FKBP10: variants seen among roughly 807,000 people sequenced by gnomAD.
The protein encoded by FKBP10 is FKBP prolyl isomerase 10.
A neutral mutation model predicts 53.7 loss-of-function variants in FKBP10; 34 were observed. The ratio of observed to expected loss-of-function variants is 0.63; its 90% CI spans 0.48 to 0.84. The LOEUF (loss-of-function observed/expected upper bound fraction) is 0.84, where lower values mean the gene tolerates loss of function less well. Among genes scored for constraint, FKBP10 ranks in the 40% least tolerant of loss-of-function variants. The probability of loss-of-function intolerance (pLI) is 0.00; values close to 1 mark genes in which losing one functional copy is unlikely to be tolerated. For missense variants in FKBP10, 748 were observed against 797.8 expected, an observed-to-expected ratio of 0.94 and a Z score of 0.75; for synonymous variants, 324 against 335.7, an observed-to-expected ratio of 0.97 and a Z score of 0.38.
chr17:41,821,573 C>T lies in FKBP10; in HGVS notation c.1400-81C>T, dbSNP rs2047891403. 10 of 1,556,102 alleles carry T rather than the reference C, an allele frequency of 6.4e-6. No homozygotes were observed. The South Asian group carries it at 1.0e-4, about 16-fold the overall frequency. On this transcript the variant is annotated intron_variant, in intron 8 of 9. Transcript: ENST00000321562. ...CCCAGCCCCAGGAGGGGAAACTGGC[C>T]TGTGGGCTGGGAAACAGTGAAGCCA...
chr17:41,821,429 C>T (rs1050843958), intron 8 of FKBP10, among the ~76,000 whole-genome samples: 22 of 152,130 alleles, frequency 1.4e-4, no homozygotes, highest in African/African-American at 5.3e-4. Flanking sequence ...GGCCCGAGAC[C>T]GTAATCTGAC....
rs1227407669 is a variant in FKBP10, at chr17:41,818,412, C to T, written c.612C>T (p.Tyr204=). ...GTAAGGGCGGCACTTATGACACCTA[C>T]GTCGGCTCTGGTTGGCTGATCAAGG... is the stretch of plus-strand genomic sequence containing the variant. The part of the protein sequence containing the change: ...SYSKGGTYDT[Y]VGSGWLIKGM... The change falls in exon 4 of 10, where the codon TAC becomes TAT. Residue 204 remains tyrosine (Y), a synonymous_variant. Coordinates refer to ENST00000321562, the MANE Select transcript of FKBP10 (RefSeq NM_021939.4). The T allele has an allele frequency of 5.0e-6, 8 of 1,614,042 alleles. No homozygotes were observed. The highest frequency in any genetic ancestry group is 3.3e-5 in the Admixed American group (2 of 60,000).
intron 1 of FKBP10, among the ~76,000 whole-genome samples, chr17:41,815,095 T>C (rs2047798006): frequency 6.6e-6 from 1 of 151,976 alleles, no homozygotes; most frequent in Non-Finnish European, 1.5e-5. Flanking sequence ...TTTTTTTGTA[T>C]TTTTAGTAGA....
In FKBP10 at chr17:41,822,244, CAAGT is replaced by C. The variant is rs1555617307; in HGVS notation, c.1586_1589del (p.Gln529ArgfsTer18). ...CCAGTTCTCCACCTTCATCAAGGCTCAAGTGAGTGAGGGCAAAGGACGCCTCATG... is the reference window on the plus strand; with the variant it reads ...CCAGTTCTCCACCTTCATCAAGGCTCGAGTGAGGGCAAAGGACGCCTCATG... On this transcript the variant is annotated frameshift_variant, in exon 10 of 10. Transcript: ENST00000321562. LOFTEE classifies it high-confidence loss of function. The C allele has an allele frequency of 5.6e-6, 9 of 1,613,532 alleles. No individual in the cohort carries two copies. The highest frequency in any genetic ancestry group is 2.2e-5 in the East Asian group (1 of 44,882).
chr17:41,820,388 A>T lies in FKBP10; in HGVS notation c.1183A>T (p.Thr395Ser). The change falls in exon 7 of 10, where the codon ACC becomes TCC. Residue 395 changes from threonine (T) to serine (S), a missense_variant. By Grantham distance (58) the Thr-to-Ser change is moderately conservative (BLOSUM62 1). Coordinates refer to ENST00000321562, the MANE Select transcript of FKBP10 (RefSeq NM_021939.4). Reference sequence around the variant, plus strand: ...CCGGCCATCTGAGACCTGCAATGAGACCACCAAGCTTGGGGACTTTGTTCG... The same window carrying T: ...CCGGCCATCTGAGACCTGCAATGAGTCCACCAAGCTTGGGGACTTTGTTCG... ...LSRPSETCNE[T>S]TKLGDFVRYH... The T allele has an allele frequency of 6.2e-7, 1 of 1,613,930 alleles. No individual in the cohort carries two copies. Among genetic ancestry groups the T allele is most frequent in the East Asian group, 2.2e-5 (1 of 44,828 alleles).
At position 41,819,658 on chromosome 17, in the gene FKBP10, A is replaced by G. The variant is rs782002551; in HGVS notation, c.1046A>G (p.Tyr349Cys). Residue 349 changes from tyrosine (Y) to cysteine (C), a missense_variant, in exon 6 of 10, where the codon TAT becomes TGT. Physicochemically the swap from Tyr to Cys is radical, Grantham distance 194 (BLOSUM62 -2). Transcript: ENST00000321562. ...ATTACCATCCCCCCGCACCTCGCCT[A>G]TGGGGAGAATGGAACTGGTAGGGGC... ...RRITIPPHLA[Y>C]GENGTGDKIP... 3 of 1,606,254 alleles carry G rather than the reference A, an allele frequency of 1.9e-6. No homozygotes were observed. The highest frequency in any genetic ancestry group is 3.4e-5 in the Admixed American group (2 of 59,028).
chr17:41,817,635 C>T (rs371295934), intron 2 of FKBP10, among the ~76,000 whole-genome samples: 1 of 144,554 alleles, frequency 6.9e-6, no homozygotes, highest in South Asian at 2.2e-4. Context: ...TTTTCTTTTT[C>T]TTTTTTTTTT....
rs1397552300 is a variant in FKBP10 at position 41,819,575 on chromosome 17, C to T, written c.963C>T (p.Tyr321=). The T allele has an allele frequency of 1.9e-6, 3 of 1,613,982 alleles. No individual in the cohort carries two copies. The highest frequency in any genetic ancestry group is 1.6e-4 in the Middle Eastern group (1 of 6,084). The change falls in exon 6 of 10, where the codon TAC becomes TAT. Residue 321 remains tyrosine, a synonymous_variant. Transcript: ENST00000321562. ...HTYNTYIGQG[Y]IIPGMDQGLQ... ...ACAATACCTATATCGGGCAGGGTTA[C>T]ATCATCCCCGGGATGGACCAGGGGC...
intron 1 of FKBP10, among the ~76,000 whole-genome samples, chr17:41,815,787 T>TA (rs111544145): frequency 4.7e-5 from 7 of 147,508 alleles, no homozygotes; most frequent in Admixed American, 1.4e-4. Context: ...CCCCTTCAAT[T>TA]AAAAAAAAAA....
Position 41,821,512 on chromosome 17 carries a change from G to A in FKBP10, c.1400-142G>A. 4 of 1,021,166 alleles carry A rather than the reference G, an allele frequency of 3.9e-6. No individual in the cohort carries two copies. In the South Asian group the frequency reaches 6.5e-5, roughly 17 times the overall value. 63.3% of individuals were successfully genotyped at this position (1,021,166 alleles called of 1,614,324 possible). On this transcript the variant is annotated intron_variant, in intron 8 of 9. Transcript: ENST00000321562. ...TGGGAGGAGTCAGGAATGCCTTCAG[G>A]ATGGCTCCTTAAACATCCCATGCCC...
chr17:41,813,324 A>C, intron 1 of FKBP10, 45 bp downstream of exon 1: 1 of 1,612,014 alleles, frequency 6.2e-7, no homozygotes, highest in African/African-American at 1.3e-5. Flanking sequence ...CCGTCCCCTG[A>C]ACCCGGGGTC....
At position 41,821,683 on chromosome 17, in the gene FKBP10, C is replaced by T. The variant is rs1433556978; in HGVS notation, c.1429C>T (p.Leu477=). 6.2e-7 allele frequency: 1 copy of T among 1,614,056 alleles called. No individual in the cohort carries two copies. The highest frequency in any genetic ancestry group is 2.2e-5 in the East Asian group (1 of 44,838). ...GGGAGTCCCAGGCAGTGCTGTGCTG[C>T]TGTTTGAGGTGGAGCTGGTGTCCCG... ...ARGVPGSAVL[L]FEVELVSRED... The change falls in exon 9 of 10, where the codon CTG becomes TTG. Residue 477 remains leucine, a synonymous_variant. Transcript: ENST00000321562.
rs534646725 is a variant in FKBP10, at chr17:41,822,724, A to G, written c.*316A>G. ...TGGTCCCCCACCATACCTCCCCTCCACATCACTGACACAGCTGAGCTTGTT... is the reference window on the plus strand; with the variant it reads ...TGGTCCCCCACCATACCTCCCCTCCGCATCACTGACACAGCTGAGCTTGTT... On this transcript the variant is annotated 3_prime_UTR_variant, in exon 10 of 10. Transcript: ENST00000321562. 16 of 443,760 alleles carry G rather than the reference A, an allele frequency of 3.6e-5. No homozygotes were observed. Among genetic ancestry groups the G allele is most frequent in the Non-Finnish European group, 5.5e-5 (13 of 238,044 alleles). The allele number at this position is 443,760 out of a possible 1,614,324, so 27.5% of individuals were successfully genotyped here.
At chr17:41,820,668 G>A (rs1393847407) in intron 7 of FKBP10, 44 of 673,396 alleles carry the variant, frequency 6.5e-5, no homozygotes, top group Admixed American at 2.8e-5. Flanking sequence ...GGAAGGTGAA[G>A]CCAACAGTTG....
In FKBP10 at chr17:41,822,983, G is replaced by A; in HGVS notation, c.*575G>A. 1 of 167,352 alleles carries A rather than the reference G, an allele frequency of 6.0e-6. No individual in the cohort carries two copies. The highest frequency in any genetic ancestry group is 1.3e-5 in the Non-Finnish European group (1 of 77,070). 10.4% of individuals were successfully genotyped at this position (167,352 alleles called of 1,614,324 possible). On this transcript the variant is annotated 3_prime_UTR_variant, in exon 10 of 10. Coordinates refer to ENST00000321562, the MANE Select transcript of FKBP10 (RefSeq NM_021939.4). The stretch of plus-strand genomic sequence containing the variant: ...ACCCTGGGCTGCTGGAGGCCAGACT[G>A]GGCTGTAGTTAGCTTTTCATCCCTA...
intron 8 of FKBP10, 115 bp from the exon 9 acceptor site, chr17:41,821,539 A>C (rs959192340): frequency 9.1e-6 from 12 of 1,319,974 alleles, no homozygotes; most frequent in Non-Finnish European, 1.0e-5. Context: ...CCCATGCCCC[A>C]CTCTCCAGCC....
chr17:41,820,191 TG>T (rs1231762271), intron 6 of FKBP10, 77 bp from the exon 7 acceptor site: 8 of 1,501,570 alleles, frequency 5.3e-6, no homozygotes, highest in Non-Finnish European at 7.4e-6. Context: ...GTATCAGGTC[TG>T]GGGACCTCCA....
At chr17:41,814,363 C>A (rs1555615835) in intron 1 of FKBP10, among the ~76,000 whole-genome samples, 1 of 152,146 alleles carries the variant, frequency 6.6e-6, no homozygotes, top group Non-Finnish European at 1.5e-5. Context: ...AAAGTGGAGA[C>A]AAAAACAGGA....
Position 41,817,245 on chromosome 17 carries a change from C to T in FKBP10, c.391+42C>T, listed in dbSNP as rs185145831. On this transcript the variant is annotated intron_variant, in intron 2 of 9. Coordinates refer to ENST00000321562, the MANE Select transcript of FKBP10 (RefSeq NM_021939.4). ...CACAGGCCGGGGGTGGAGGAGACCA[C>T]GAGGCAGAATCAGGGATCCTGGGGT... 3,270 of 1,605,078 alleles carry T rather than the reference C, an allele frequency of 2.0e-3. 8 individuals carry two copies. The highest frequency in any genetic ancestry group is 7.4e-3 in the South Asian group (673 of 91,052).
Sources: allele counts gnomAD v4.1 joint callset (sites outside exome capture counted in the v4.1 genomes callset), GRCh38; gene constraint gnomAD v4.1.1; transcripts MANE v1.5; gene names NCBI Gene and HGNC (gene_info 2026-07-23, HGNC 2026-07-21).